The following KATNIP variants were observed in gnomAD, a reference collection of about 807,000 sequenced individuals.
KATNIP encodes the protein katanin interacting protein, also known as katanin-interacting protein.
In KATNIP, 126 loss-of-function variants were observed where a neutral mutation model predicts 174.0. That is an observed-to-expected ratio of 0.72 (90% CI 0.63 to 0.84). The LOEUF (loss-of-function observed/expected upper bound fraction) is 0.84, where lower values mean the gene tolerates loss of function less well. Among genes scored for constraint, KATNIP ranks in the 40% least tolerant of loss-of-function variants. The pLI is 0.00. For synonymous variants in KATNIP, 810 were observed against 835.7 expected (o/e 0.97, Z 0.53); for missense variants, 1,958 against 2,109.7 (o/e 0.93, Z 1.41).
At chr16:27,736,232 A>G (rs1851156177) in intron 14 of KATNIP, among the ~76,000 whole-genome samples, 1 of 151,990 alleles carries the variant, frequency 6.6e-6, no homozygotes, top group African/African-American at 2.4e-5. Context: ...CGAACTCCTG[A>G]CCTCAGGTGA....
intron 20 of KATNIP, 21 bp downstream of exon 20, chr16:27,766,495 C>T (rs767175180): frequency 1.2e-5 from 19 of 1,604,558 alleles, no homozygotes; most frequent in Admixed American, 1.7e-5. Flanking sequence ...GAGCAGTGGC[C>T]GTGCTCAGTC....
At chr16:27,737,495 G>C (rs1372674769) in intron 14 of KATNIP, among the ~76,000 whole-genome samples, 2 of 152,180 alleles carry the variant, frequency 1.3e-5, no homozygotes, top group Non-Finnish European at 2.9e-5. Context: ...GGTCAGGGTT[G>C]GAGATGAAAA....
At chr16:27,670,926 T>C (rs2077875296) in intron 6 of KATNIP, among the ~76,000 whole-genome samples, 2 of 152,186 alleles carry the variant, frequency 1.3e-5, no homozygotes, top group African/African-American at 4.8e-5. Context: ...GCGTAGTGGC[T>C]CACACCTGTA....
chr16:27,554,854 C>A (rs752485462), intron 1 of KATNIP, among the ~76,000 whole-genome samples: 3 of 140,894 alleles, frequency 2.1e-5, no homozygotes, highest in Non-Finnish European at 4.5e-5. Context: ...AGTACAGTGG[C>A]GTGATCTTGG....
At chr16:27,676,536 T>A (rs2078122994) in intron 6 of KATNIP, among the ~76,000 whole-genome samples, 1 of 152,132 alleles carries the variant, frequency 6.6e-6, no homozygotes, top group South Asian at 2.1e-4. Flanking sequence ...CAATAACTAT[T>A]AGGTTTATTG....
intron 1 of KATNIP, among the ~76,000 whole-genome samples, chr16:27,552,928 A>T (rs956589987): frequency 1.3e-5 from 2 of 152,102 alleles, no homozygotes; most frequent in African/African-American, 4.8e-5. Flanking sequence ...TGCCAACCTC[A>T]GGTGATCCGC....
intron 8 of KATNIP, among the ~76,000 whole-genome samples, chr16:27,683,297 G>A (rs1016471483): frequency 4.3e-4 from 65 of 152,172 alleles, no homozygotes; most frequent in African/African-American, 1.5e-3. Flanking sequence ...CATCCCAGTG[G>A]GGCCTTCAAA....
chr16:27,668,130 T>G (rs1040109211), intron 6 of KATNIP, among the ~76,000 whole-genome samples: 2 of 152,198 alleles, frequency 1.3e-5, no homozygotes, highest in Admixed American at 1.3e-4. Context: ...TGCCCCTGAC[T>G]TTCATCCCTC....
intron 14 of KATNIP, among the ~76,000 whole-genome samples, chr16:27,723,984 C>G (rs72788566): frequency 4.8e-4 from 73 of 152,358 alleles, no homozygotes; most frequent in Non-Finnish European, 8.4e-4. Context: ...ACGCACAGTG[C>G]TGCCCAGAGC....
At chr16:27,713,856 A>ATCTC in intron 13 of KATNIP, among the ~76,000 whole-genome samples, 1 of 66,060 alleles carries the variant, frequency 1.5e-5, no homozygotes, top group East Asian at 3.7e-4. Context: ...ATATATATAT[A>ATCTC]TCTATCTCAG....
intron 19 of KATNIP, 108 bp from the exon 20 acceptor site, chr16:27,766,201 G>C (rs2082116930): frequency 1.0e-5 from 12 of 1,174,068 alleles, no homozygotes; most frequent in East Asian, 2.4e-5. Flanking sequence ...AGCCAGGCTA[G>C]TGCCAGGCAG....
intron 2 of KATNIP, among the ~76,000 whole-genome samples, chr16:27,603,246 T>C (rs752574879): frequency 1.3e-5 from 2 of 152,244 alleles, no homozygotes; most frequent in Non-Finnish European, 2.9e-5. Context: ...CATTGAACTA[T>C]GCCTAGATTT....
intron 1 of KATNIP, among the ~76,000 whole-genome samples, chr16:27,558,594 A>G (rs2089725031): frequency 6.6e-6 from 1 of 152,236 alleles, no homozygotes; most frequent in Non-Finnish European, 1.5e-5. Context: ...CCCTTTCCCA[A>G]AGCAGTGTGG....
rs79726087 is a variant in KATNIP, at chr16:27,654,345, A to G, written c.540+5610A>G. On this transcript the variant is annotated intron_variant, in intron 6 of 27. Coordinates refer to ENST00000261588, the MANE Select transcript of KATNIP (RefSeq NM_015202.5). The stretch of plus-strand genomic sequence containing the variant: ...CTACACTGGTACTCACTCAACTGCC[A>G]TACAGCTCCATGGTTCAGAGCACTG... Among the ~76,000 whole-genome samples, 1,156 of 152,316 alleles carry G rather than the reference A, an allele frequency of 7.6e-3. 24 individuals are homozygous for G. Among genetic ancestry groups the G allele is most frequent in the African/African-American group, 0.026 (1,066 of 41,560 alleles).
intron 6 of KATNIP, among the ~76,000 whole-genome samples, chr16:27,676,191 CT>C (rs1431724581): frequency 5.3e-5 from 8 of 152,192 alleles, no homozygotes; most frequent in African/African-American, 1.9e-4. Context: ...CAGCACTTTG[CT>C]TGGAAATCTC....
intron 1 of KATNIP, among the ~76,000 whole-genome samples, chr16:27,572,512 A>G (rs1307072992): frequency 6.6e-6 from 1 of 152,016 alleles, no homozygotes; most frequent in Non-Finnish European, 1.5e-5. Context: ...TCAGCATGAC[A>G]GCTCACACAC....
At chr16:27,730,448 C>G (rs766026678) in intron 14 of KATNIP, among the ~76,000 whole-genome samples, 7 of 152,046 alleles carry the variant, frequency 4.6e-5, no homozygotes, top group Admixed American at 3.9e-4. Context: ...TTGTCTGGAC[C>G]CTGAATGTGT....
chr16:27,659,032 G>A (rs1158282112), intron 6 of KATNIP, among the ~76,000 whole-genome samples: 2 of 151,950 alleles, frequency 1.3e-5, no homozygotes, highest in Admixed American at 1.3e-4. Flanking sequence ...CTCCCAAAGT[G>A]CTGGGATTAC....
chr16:27,555,287 C>T (rs2089570146), intron 1 of KATNIP, among the ~76,000 whole-genome samples: 1 of 152,202 alleles, frequency 6.6e-6, no homozygotes, highest in Non-Finnish European at 1.5e-5. Context: ...GTTTATTCGG[C>T]ATGTCTTAAT....
Sources: allele counts gnomAD v4.1 joint callset (sites outside exome capture counted in the v4.1 genomes callset), GRCh38; gene constraint gnomAD v4.1.1; transcripts MANE v1.5; gene names NCBI Gene and HGNC (gene_info 2026-07-23, HGNC 2026-07-21).